NRXN1: variants seen among roughly 807,000 people sequenced by gnomAD.
NRXN1 encodes neurexin 1.
A neutral mutation model predicts 150.9 loss-of-function variants in NRXN1; 39 were observed. The observed-to-expected ratio is 0.26, with a 90% CI of 0.20 to 0.34. The LOEUF is 0.34. Among genes scored for constraint, NRXN1 ranks in the 10% least tolerant of loss-of-function variants. The probability of loss-of-function intolerance (pLI) is 1.00; values close to 1 mark genes in which losing one functional copy is unlikely to be tolerated. For synonymous variants in NRXN1, 924 were observed against 757.0 expected, an observed-to-expected ratio of 1.22 and a Z score of -3.62; for missense variants, 1,815 against 1,949.9, an observed-to-expected ratio of 0.93 and a Z score of 1.30.
chr2:50,461,674 A>G (rs2088232980), intron 17 of NRXN1, among the ~76,000 whole-genome samples: 1 of 152,006 alleles, frequency 6.6e-6, no homozygotes, highest in African/African-American at 2.4e-5. Context: ...AAATGGTTAC[A>G]TCCAAGAGAA....
chr2:50,196,008 G>A (rs2061736734), intron 18 of NRXN1, among the ~76,000 whole-genome samples: 2 of 151,862 alleles, frequency 1.3e-5, no homozygotes, highest in African/African-American at 4.8e-5. Context: ...TGCACAGGAT[G>A]TGCAGGTTTG....
chr2:50,316,005 C>A (rs565102348), intron 17 of NRXN1, among the ~76,000 whole-genome samples: 1 of 152,086 alleles, frequency 6.6e-6, no homozygotes, highest in Admixed American at 6.6e-5. Context: ...CAGTAAACGG[C>A]ATGAGATGAA....
At chr2:49,973,905 CT>C in intron 21 of NRXN1, 1 of 686,192 alleles carries the variant, frequency 1.5e-6, no homozygotes, top group Middle Eastern at 2.4e-4. Context: ...CTTCTGGTAT[CT>C]TAAACCCTGC....
intron 5 of NRXN1, among the ~76,000 whole-genome samples, chr2:50,864,427 C>T (rs1676577988): frequency 6.6e-6 from 1 of 151,924 alleles, no homozygotes; most frequent in Non-Finnish European, 1.5e-5. Context: ...TAATAGGTGA[C>T]TAATACACAT....
chr2:50,576,981 A>C (rs762745160), intron 8 of NRXN1, among the ~76,000 whole-genome samples: 25 of 152,140 alleles, frequency 1.6e-4, no homozygotes, highest in Non-Finnish European at 3.4e-4. Flanking sequence ...TTTTAATGAT[A>C]AGCTCCTGGT....
intron 19 of NRXN1, among the ~76,000 whole-genome samples, chr2:50,062,202 T>A (rs1694650782): frequency 6.6e-6 from 1 of 152,180 alleles, no homozygotes; most frequent in Non-Finnish European, 1.5e-5. Context: ...ATTGATCTAT[T>A]GAAAACTAAT....
At chr2:50,396,153 G>T (rs966081846) in intron 17 of NRXN1, among the ~76,000 whole-genome samples, 1 of 152,094 alleles carries the variant, frequency 6.6e-6, no homozygotes, top group African/African-American at 2.4e-5. Context: ...AATGCAAATC[G>T]CACCCTCTGC....
At chr2:50,517,918 T>A (rs2105096007) in intron 12 of NRXN1, among the ~76,000 whole-genome samples, 1 of 152,248 alleles carries the variant, frequency 6.6e-6, no homozygotes, top group African/African-American at 2.4e-5. Context: ...ATTTCAGTAT[T>A]TCTCGATGCT....
intron 5 of NRXN1, among the ~76,000 whole-genome samples, chr2:50,779,074 T>C (rs2105501133): frequency 6.6e-6 from 1 of 152,272 alleles, no homozygotes; most frequent in East Asian, 1.9e-4. Flanking sequence ...GTGCAGAACA[T>C]GCAGGTGTGT....
intron 15 of NRXN1, among the ~76,000 whole-genome samples, chr2:50,494,198 A>T (rs2091429254): frequency 6.6e-6 from 1 of 152,220 alleles, no homozygotes; most frequent in African/African-American, 2.4e-5. Context: ...GTAGGGCTGT[A>T]CATGCCACAT....
Position 50,334,192 on chromosome 2 carries a change from A to ATTTTATATATATATATAT in NRXN1, c.3365-97223_3365-97222insATATATATATATATAAAA, listed in dbSNP as rs1553457970. ...CTGCCTTTCCTTAAGACCAGGACCA[A>ATTTTATATATATATATAT]ATATATATATATATATATATGTATG... On this transcript the variant is annotated intron_variant, in intron 17 of 22. Coordinates refer to ENST00000401669, the MANE Select transcript of NRXN1 (RefSeq NM_001330078.2). Among the ~76,000 whole-genome samples, 47 of 118,970 alleles carry ATTTTATATATATATATAT rather than the reference A, an allele frequency of 4.0e-4. 3 individuals are homozygous for ATTTTATATATATATATAT. The highest frequency in any genetic ancestry group is 4.1e-3 in the Middle Eastern group (1 of 242). 78.0% of individuals were successfully genotyped at this position (118,970 alleles called of 152,430 possible). A position where few individuals can be genotyped will look rare whatever the true frequency, so the allele number is the denominator to read the frequency against.
intron 5 of NRXN1, among the ~76,000 whole-genome samples, chr2:50,909,628 C>T (rs1470688894): frequency 1.3e-5 from 2 of 151,932 alleles, no homozygotes; most frequent in East Asian, 3.9e-4. Flanking sequence ...TCCCCCACAC[C>T]CCAACAAGCT....
chr2:50,559,312 C>T (rs1349202807), intron 8 of NRXN1, among the ~76,000 whole-genome samples: 1 of 152,084 alleles, frequency 6.6e-6, no homozygotes, highest in African/African-American at 2.4e-5. Flanking sequence ...TAAGAAAGAG[C>T]TCAGAAAAGG....
chr2:50,845,713 C>T (rs556396087), intron 5 of NRXN1, among the ~76,000 whole-genome samples: 3 of 152,238 alleles, frequency 2.0e-5, no homozygotes, highest in Admixed American at 2.0e-4. Context: ...CACAAAGAAG[C>T]AAGGGCTGAA....
Position 50,592,819 on chromosome 2 carries a change from G to A in NRXN1, c.1320+27203C>T, listed in dbSNP as rs1674509760. 4.6e-5 allele frequency among the ~76,000 whole-genome samples: 7 copies of A among 152,240 alleles called. No individual in the cohort carries two copies. The South Asian group carries it at 1.5e-3, about 32-fold the overall frequency. On this transcript the variant is annotated intron_variant, in intron 8 of 22. Transcript: ENST00000401669. ...AGTATGTGGTTAGCGAAAGCCTAGA[G>A]AAAAAAATTTTGGGAAAACAATTTT... is the stretch of plus-strand genomic sequence containing the variant.
At chr2:50,893,718 TAAAC>T (rs1162142491) in intron 5 of NRXN1, among the ~76,000 whole-genome samples, 1 of 152,214 alleles carries the variant, frequency 6.6e-6, no homozygotes, top group Admixed American at 6.5e-5. Context: ...TGATTTTTGA[TAAAC>T]AAAAGTATTT....
intron 18 of NRXN1, among the ~76,000 whole-genome samples, chr2:50,236,258 A>C (rs2065405205): frequency 6.6e-6 from 1 of 152,096 alleles, no homozygotes; most frequent in South Asian, 2.1e-4. Context: ...ACGTATCAAA[A>C]TGAGTACAAA....
At chr2:50,785,780 T>C (rs1705030966) in intron 5 of NRXN1, among the ~76,000 whole-genome samples, 1 of 152,132 alleles carries the variant, frequency 6.6e-6, no homozygotes, top group African/African-American at 2.4e-5. Context: ...GTGGGTTCCC[T>C]GTAGAAGGGA....
At chr2:50,004,475 T>A (rs1460781232) in intron 21 of NRXN1, among the ~76,000 whole-genome samples, 1 of 152,144 alleles carries the variant, frequency 6.6e-6, no homozygotes, top group African/African-American at 2.4e-5. Context: ...TAGTGGTTGC[T>A]GTAGTTTTCT....
Sources: gnomAD v4.1 joint callset for allele counts (sites outside exome capture counted in the v4.1 genomes callset) on GRCh38, gnomAD v4.1.1 for gene constraint, MANE v1.5 for transcripts, NCBI Gene and HGNC (gene_info 2026-07-23, HGNC 2026-07-21) for gene names.